Variants in GMPR2 observed in about 807,000 individuals in gnomAD.
GMPR2 encodes guanosine monophosphate reductase 2.
GMPR2 carries 32 observed loss-of-function variants against 38.5 expected under a neutral mutation model. The ratio of observed to expected loss-of-function variants is 0.83; its 90% CI spans 0.63 to 1.12. GMPR2 has a LOEUF of 1.12. Among genes scored for constraint, GMPR2 ranks in the 50% most tolerant of loss-of-function variants. The probability of loss-of-function intolerance (pLI) is 0.00; values close to 1 mark genes in which losing one functional copy is unlikely to be tolerated. For synonymous variants in GMPR2, 154 were observed against 151.0 expected, an observed-to-expected ratio of 1.02 and a Z score of -0.15; for missense variants, 396 against 432.1, an observed-to-expected ratio of 0.92 and a Z score of 0.74.
Position 24,237,287 on chromosome 14 carries a change from C to A in GMPR2, c.590C>A (p.Pro197Gln). 1 of 1,612,492 alleles carries A rather than the reference C, an allele frequency of 6.2e-7. No homozygotes were observed. Residue 197 changes from proline (P) to glutamine (Q), a missense_variant, in exon 7 of 10, where the codon CCA (proline) becomes CAA (glutamine). Pro to Gln is a moderately conservative substitution (Grantham distance 76). Transcript: ENST00000399440. ...TTRKKTGVGY[P>Q]QLSAVMECAD... ...CGGAAGAAAACTGGAGTGGGGTATC[C>A]ACAGCTCAGCGCAGTGATGGAGTGT...
At chr14:24,236,420 C>T (rs1269023826) in intron 5 of GMPR2, among the ~76,000 whole-genome samples, 1 of 152,210 alleles carries the variant, frequency 6.6e-6, no homozygotes, top group Non-Finnish European at 1.5e-5. Flanking sequence ...GGTACATAGA[C>T]ATCTGCCCAC....
chr14:24,235,863 C>A (rs2040317279), intron 4 of GMPR2, 43 bp downstream of exon 4: 1 of 1,590,652 alleles, frequency 6.3e-7, no homozygotes, highest in Non-Finnish European at 8.6e-7. Context: ...TCCCAGTTTT[C>A]CAGCAATTAT....
intron 1 of GMPR2, 26 bp from the exon 2 acceptor site, chr14:24,233,193 G>T (rs770447977): frequency 3.7e-6 from 6 of 1,612,610 alleles, no homozygotes; most frequent in Non-Finnish European, 5.1e-6. Flanking sequence ...GGGGAAGATT[G>T]GTCCTTATGA....
At position 24,238,920 on chromosome 14, in the gene GMPR2, C is replaced by T. The variant is rs1474285277; in HGVS notation, c.*142C>T. The T allele has an allele frequency of 5.5e-6, 4 of 729,776 alleles. No homozygotes were observed. The highest frequency in any genetic ancestry group is 3.5e-5 in the African/African-American group (2 of 57,740). 45.2% of individuals were successfully genotyped at this position (729,776 alleles called of 1,614,324 possible). The stretch of plus-strand genomic sequence containing the variant: ...TCACTCCTGAGGGCTCCTGCAGTAA[C>T]TCTGTACTTCTCTATCTGCACACAC... On this transcript the variant is annotated 3_prime_UTR_variant, in exon 10 of 10. Transcript: ENST00000399440.
At chr14:24,235,692 TAA>T (rs780684731) in intron 3 of GMPR2, 43 bp from the exon 4 acceptor site, 24 of 1,288,282 alleles carry the variant, frequency 1.9e-5, no homozygotes, top group Non-Finnish European at 2.6e-5. Flanking sequence ...AAAGAGACCT[TAA>T]TAAAGTTTTC....
At chr14:24,235,440 C>CA in intron 3 of GMPR2, 1 of 426,382 alleles carries the variant, frequency 2.3e-6, no homozygotes, top group Admixed American at 4.1e-5. Context: ...CCCACTGCAC[C>CA]AGCAGCTTGT....
upstream of GMPR2, chr14:24,232,674 T>C (rs2040099662): frequency 8.3e-6 from 2 of 242,104 alleles, no homozygotes; most frequent in Non-Finnish European, 1.7e-5. Flanking sequence ...AACTCTGTTA[T>C]CCAGAAGGCC....
intron 7 of GMPR2, 47 bp from the exon 8 acceptor site, chr14:24,237,473 G>T: frequency 6.2e-7 from 1 of 1,600,962 alleles, no homozygotes; most frequent in Non-Finnish European, 8.6e-7. Context: ...ACATCGCTGA[G>T]GGCTTGGGAA....
chr14:24,233,724 T>G, intron 3 of GMPR2, 126 bp downstream of exon 3: 1 of 1,083,326 alleles, frequency 9.2e-7, no homozygotes, highest in Non-Finnish European at 1.4e-6. Context: ...ATGCTCTGAT[T>G]TACGGTTTTT....
At chr14:24,237,587 G>A (rs1002190626) in intron 8 of GMPR2, 25 bp downstream of exon 8, 4 of 1,606,874 alleles carry the variant, frequency 2.5e-6, no homozygotes, top group African/African-American at 2.7e-5. Context: ...GGCACAGAAG[G>A]ATGATTCTAT....
chr14:24,234,692 T>C (rs1024787242), intron 3 of GMPR2, among the ~76,000 whole-genome samples: 2 of 152,234 alleles, frequency 1.3e-5, no homozygotes, highest in Non-Finnish European at 2.9e-5. Context: ...AAAGGTTGGA[T>C]GCAAGCAAAC....
intron 1 of GMPR2, 39 bp downstream of exon 1, chr14:24,233,016 C>T (rs1332894775): frequency 3.2e-6 from 2 of 630,512 alleles, no homozygotes; most frequent in African/African-American, 1.8e-5. Context: ...CAACCCTTTC[C>T]CAGCTCTCCT....
At chr14:24,236,406 C>T (rs1006550597) in intron 5 of GMPR2, among the ~76,000 whole-genome samples, 6 of 152,304 alleles carry the variant, frequency 3.9e-5, no homozygotes, top group Middle Eastern at 6.8e-3. Flanking sequence ...CTGTACATAC[C>T]TGTGGTACAT....
Position 24,238,606 on chromosome 14 carries a change from C to T in GMPR2, c.875C>T (p.Thr292Ile). Residue 292 changes from threonine to isoleucine, a missense_variant, in exon 10 of 10, where the codon ACA (threonine) becomes ATA (isoleucine). Physicochemically the swap from Thr to Ile is moderately conservative, Grantham distance 89. Transcript: ENST00000399440. ...ACTTTAAGAGCCTCAGAGGGAAAGA[C>T]AGTGGAAGTTCCTTTTAAAGGAGAT... ...VAEYRASEGKTVEVPFKGDVE... is the reference protein window; with the variant it reads ...VAEYRASEGKIVEVPFKGDVE... The T allele has an allele frequency of 6.2e-7, 1 of 1,614,038 alleles. No homozygotes were observed. The highest frequency in any genetic ancestry group is 8.5e-7 in the Non-Finnish European group (1 of 1,179,954).
intron 1 of GMPR2, 120 bp downstream of exon 1, chr14:24,233,097 T>C (rs2040133915): frequency 1.5e-6 from 2 of 1,302,282 alleles, no homozygotes; most frequent in Admixed American, 3.5e-5. Context: ...GGTGACAGGC[T>C]TCAGGGACCA....
intron 8 of GMPR2, chr14:24,237,979 T>C: frequency 2.1e-6 from 1 of 479,622 alleles, no homozygotes; most frequent in Non-Finnish European, 3.7e-6. Flanking sequence ...CAGACGATGA[T>C]GGTAAAAACA....
chr14:24,239,184 CTCTGAAGTGT>C lies in GMPR2; in HGVS notation c.*408_*417del. On this transcript the variant is annotated 3_prime_UTR_variant, in exon 10 of 10. Transcript: ENST00000399440. ...ATTGGACCTTCACATATCTAAAAAG[CTCTGAAGTGT>C]TTGTATATTTGAAATACCTCAATAA... 2 of 367,756 alleles carry C rather than the reference CTCTGAAGTGT, an allele frequency of 5.4e-6. No homozygotes were observed. The highest frequency in any genetic ancestry group is 2.1e-5 in the South Asian group (1 of 47,642). 22.8% of individuals were successfully genotyped at this position (367,756 alleles called of 1,614,324 possible).
intron 3 of GMPR2, among the ~76,000 whole-genome samples, chr14:24,234,930 C>T (rs1318232947): frequency 1.3e-5 from 2 of 152,202 alleles, no homozygotes; most frequent in Non-Finnish European, 2.9e-5. Flanking sequence ...ACATGACTTC[C>T]TTGGGTTTCT....
chr14:24,235,824 A>G lies in GMPR2; in HGVS notation c.291+4A>G, dbSNP rs1296283671. The G allele has an allele frequency of 1.2e-6, 2 of 1,610,366 alleles. No individual in the cohort carries two copies. Among genetic ancestry groups the G allele is most frequent in the South Asian group, 2.2e-5 (2 of 91,020 alleles). ...CCAGAATCCTGACTGTCTTGAGGTA[A>G]CACTGGGCATACCCTGCTCCCTTCC... On this transcript the variant is annotated splice_donor_region_variant and intron_variant, in intron 4 of 9. Coordinates refer to ENST00000399440, the MANE Select transcript of GMPR2 (RefSeq NM_001002002.3).
Sources: gnomAD v4.1 joint callset for allele counts (sites outside exome capture counted in the v4.1 genomes callset) on GRCh38, gnomAD v4.1.1 for gene constraint, MANE v1.5 for transcripts, NCBI Gene and HGNC (gene_info 2026-07-23, HGNC 2026-07-21) for gene names.